LDB2: variants seen among roughly 807,000 people sequenced by gnomAD.
LDB2 encodes the protein LIM domain-binding protein 2.
LDB2 carries 12 observed loss-of-function variants against 44.3 expected under a neutral mutation model. That is an observed-to-expected ratio of 0.27 (90% CI 0.17 to 0.44). The LOEUF is 0.44. Among genes scored for constraint, LDB2 ranks in the 20% least tolerant of loss-of-function variants. The pLI is 1.00. For missense variants in LDB2, 344 were observed against 473.5 expected, an observed-to-expected ratio of 0.73 and a Z score of 2.54; for synonymous variants, 164 against 174.8, an observed-to-expected ratio of 0.94 and a Z score of 0.49.
chr4:16,834,492 C>T (rs1020979567), intron 1 of LDB2, among the ~76,000 whole-genome samples: 1 of 152,160 alleles, frequency 6.6e-6, no homozygotes, highest in Non-Finnish European at 1.5e-5. Flanking sequence ...TGATAGTCTT[C>T]ACCCCTACGA....
At chr4:16,622,144 T>C (rs1223251817) in intron 2 of LDB2, among the ~76,000 whole-genome samples, 1 of 152,210 alleles carries the variant, frequency 6.6e-6, no homozygotes, top group Non-Finnish European at 1.5e-5. Context: ...GAATAATCAG[T>C]GGAATAGTGA....
intron 2 of LDB2, among the ~76,000 whole-genome samples, chr4:16,643,132 G>A (rs920856253): frequency 1.7e-5 from 2 of 117,462 alleles, no homozygotes; most frequent in Non-Finnish European, 3.2e-5. Flanking sequence ...CACACAATCG[G>A]TTTATTACAA....
chr4:16,830,670 T>G (rs577688895), intron 1 of LDB2, among the ~76,000 whole-genome samples: 1 of 152,320 alleles, frequency 6.6e-6, no homozygotes, highest in East Asian at 1.9e-4. Context: ...TTAAATCAAC[T>G]GCAATGATCA....
chr4:16,527,784 G>T (rs1038257935), intron 5 of LDB2, among the ~76,000 whole-genome samples: 3 of 152,060 alleles, frequency 2.0e-5, no homozygotes, highest in Non-Finnish European at 4.4e-5. Flanking sequence ...TTACAAGAGG[G>T]TAGATCTTAA....
intron 1 of LDB2, among the ~76,000 whole-genome samples, chr4:16,796,979 T>C (rs1029522273): frequency 7.9e-5 from 12 of 152,186 alleles, no homozygotes; most frequent in Admixed American, 3.9e-4. Flanking sequence ...AGAGACATGA[T>C]GACCAAATGC....
At chr4:16,643,985 C>T (rs980425358) in intron 2 of LDB2, among the ~76,000 whole-genome samples, 6 of 152,176 alleles carry the variant, frequency 3.9e-5, no homozygotes, top group Non-Finnish European at 8.8e-5. Flanking sequence ...ACAGCCCTTC[C>T]AAGTGCTGCT....
chr4:16,766,954 A>G (rs1290695118), intron 1 of LDB2, among the ~76,000 whole-genome samples: 1 of 152,186 alleles, frequency 6.6e-6, no homozygotes, highest in Non-Finnish European at 1.5e-5. Flanking sequence ...GCTGCCATAA[A>G]TGTCTCTGTA....
rs965728291 is a variant in LDB2, at chr4:16,582,460, C to T, written c.615+3462G>A. On this transcript the variant is annotated intron_variant, in intron 5 of 7. Transcript: ENST00000304523. This position sits in a 1 kb window ranked among gnomAD's most constrained non-coding sequence, Gnocchi z 4.8. ...ACAAACAAGGCAAAGGACACATTTCCGAGTTCCTGGCTTGCTTCTCCCATT... is the reference window on the plus strand; with the variant it reads ...ACAAACAAGGCAAAGGACACATTTCTGAGTTCCTGGCTTGCTTCTCCCATT... 2.6e-5 allele frequency among the ~76,000 whole-genome samples: 4 copies of T among 152,198 alleles called. No homozygotes were observed. Among genetic ancestry groups the T allele is most frequent in the African/African-American group, 4.8e-5 (2 of 41,450 alleles).
chr4:16,505,759 C>G (rs1719167085), intron 7 of LDB2: 1 of 1,417,420 alleles, frequency 7.1e-7, no homozygotes, highest in East Asian at 2.5e-5. Flanking sequence ...AACTTCTGCT[C>G]CTTGCTGGAA....
chr4:16,843,579 G>A (rs781018997), intron 1 of LDB2, among the ~76,000 whole-genome samples: 22 of 151,992 alleles, frequency 1.4e-4, no homozygotes, highest in Non-Finnish European at 2.6e-4. Context: ...AAAACAGGGT[G>A]CCATTTTAAA....
At chr4:16,676,167 G>A (rs1400636675) in intron 2 of LDB2, among the ~76,000 whole-genome samples, 1 of 152,192 alleles carries the variant, frequency 6.6e-6, no homozygotes, top group Non-Finnish European at 1.5e-5. Context: ...GTGTGCATTT[G>A]TGTGTTAAAG....
intron 1 of LDB2, among the ~76,000 whole-genome samples, chr4:16,812,629 A>ATGTG (rs1177533777): frequency 2.4e-4 from 8 of 34,016 alleles, no homozygotes; most frequent in East Asian, 8.3e-4. Context: ...TGTATTAAAT[A>ATGTG]TATGTGTGTG....
chr4:16,593,543 A>G (rs1187478966), intron 3 of LDB2, among the ~76,000 whole-genome samples: 3 of 152,216 alleles, frequency 2.0e-5, no homozygotes, highest in Admixed American at 2.0e-4. Flanking sequence ...CTAAAAATAA[A>G]TGTGCATAAT....
intron 2 of LDB2, among the ~76,000 whole-genome samples, chr4:16,634,482 A>C (rs1732983844): frequency 6.6e-6 from 1 of 152,232 alleles, no homozygotes; most frequent in Non-Finnish European, 1.5e-5. Flanking sequence ...AAATAGGCAA[A>C]GGATATGAAC....
At chr4:16,702,039 G>A (rs1199260376) in intron 2 of LDB2, among the ~76,000 whole-genome samples, 1 of 152,066 alleles carries the variant, frequency 6.6e-6, no homozygotes, top group Non-Finnish European at 1.5e-5. Context: ...TCAGCACAAT[G>A]TTCTTGTCTT....
chr4:16,830,047 A>G (rs1783787994), intron 1 of LDB2, among the ~76,000 whole-genome samples: 1 of 152,032 alleles, frequency 6.6e-6, no homozygotes. Flanking sequence ...GGAGGTTGCA[A>G]TGGGCTGAGA....
chr4:16,875,674 A>T (rs1175485792), intron 1 of LDB2, among the ~76,000 whole-genome samples: 1 of 152,154 alleles, frequency 6.6e-6, no homozygotes, highest in Non-Finnish European at 1.5e-5. Context: ...CTCAGCAATG[A>T]CTCAGAGCCC....
At chr4:16,838,807 C>A (rs1785356622) in intron 1 of LDB2, among the ~76,000 whole-genome samples, 1 of 152,138 alleles carries the variant, frequency 6.6e-6, no homozygotes, top group Non-Finnish European at 1.5e-5. Flanking sequence ...GAATAAAAAG[C>A]AAAAAGCTTA....
At chr4:16,873,378 A>G (rs113667130) in intron 1 of LDB2, among the ~76,000 whole-genome samples, 4,017 of 152,310 alleles carry the variant, frequency 0.026, 146 homozygotes, top group African/African-American at 0.084. Context: ...TGGGCTGCCT[A>G]TCACTGAAAG....
Sources: gnomAD v4.1 joint callset for allele counts (sites outside exome capture counted in the v4.1 genomes callset) on GRCh38, gnomAD v4.1.1 for gene constraint, Gnocchi (gnomAD v3.1) non-coding constraint, MANE v1.5 for transcripts, NCBI Gene and HGNC (gene_info 2026-07-23, HGNC 2026-07-21) for gene names.